MYL1: variants seen among roughly 807,000 people sequenced by gnomAD.
The protein encoded by MYL1 is myosin light chain 1/3, skeletal muscle isoform.
A neutral mutation model predicts 21.8 loss-of-function variants in MYL1; 16 were observed. The observed-to-expected ratio is 0.74, with a 90% CI of 0.50 to 1.12. MYL1 has a LOEUF of 1.12. MYL1 is among the 50% of genes most tolerant of loss of function. The pLI, the probability that MYL1 is intolerant of heterozygous loss-of-function variation, is 0.00. For synonymous variants in MYL1, 99 were observed against 85.2 expected (o/e 1.16, Z -0.89); for missense variants, 246 against 241.0 (o/e 1.02, Z -0.14).
intron 1 of MYL1, among the ~76,000 whole-genome samples, chr2:210,314,154 A>G (rs1690455893): frequency 6.6e-6 from 1 of 152,148 alleles, no homozygotes; most frequent in African/African-American, 2.4e-5. Context: ...AATTAATCAC[A>G]TTTTTCTTAG....
intron 5 of MYL1, 151 bp downstream of exon 5, chr2:210,293,572 G>A: frequency 1.5e-6 from 1 of 654,490 alleles, no homozygotes; most frequent in Non-Finnish European, 2.7e-6. Flanking sequence ...TTATTTATAT[G>A]TTCAGATCCT....
intron 4 of MYL1, 64 bp downstream of exon 4, chr2:210,294,181 T>C (rs1284301527): frequency 2.8e-6 from 4 of 1,405,800 alleles, no homozygotes; most frequent in Non-Finnish European, 3.8e-6. Flanking sequence ...GTGACATGAT[T>C]CTCCTGTCAT....
chr2:210,305,067 T>C (rs1690319558), intron 1 of MYL1, among the ~76,000 whole-genome samples: 1 of 152,184 alleles, frequency 6.6e-6, no homozygotes, highest in Non-Finnish European at 1.5e-5. Flanking sequence ...TAATTGTAAC[T>C]TGAGTACTGC....
At chr2:210,299,441 G>A (rs899429691) in intron 2 of MYL1, among the ~76,000 whole-genome samples, 4 of 152,064 alleles carry the variant, frequency 2.6e-5, no homozygotes, top group Admixed American at 2.6e-4. Context: ...ATTGGTAGAC[G>A]CCATCAATTT....
intron 1 of MYL1, among the ~76,000 whole-genome samples, chr2:210,306,380 C>CAAAAA (rs370261153): frequency 8.5e-6 from 1 of 117,540 alleles, no homozygotes; most frequent in African/African-American, 3.2e-5. Context: ...GACTCCATCT[C>CAAAAA]AAAAAAAAAA....
Position 210,314,936 on chromosome 2 carries a change from T to C in MYL1, c.107A>G (p.Glu36Gly). The change falls in exon 1 of 7, where the codon GAA becomes GGA. Residue 36 changes from glutamate to glycine, a missense_variant. Glu to Gly is a moderately conservative substitution (Grantham distance 98). Coordinates refer to ENST00000352451, the MANE Select transcript of MYL1 (RefSeq NM_079420.3). ...CTTAATGGCAGAGAGGTCAATTTTT[T>C]CTTCTTTGGGTTTGGCTGGGGCAGG... ...PAPAPAKPKE[E>G]KIDLSAIKIE... 6.2e-7 allele frequency: 1 copy of C among 1,613,970 alleles called. No homozygotes were observed. The highest frequency in any genetic ancestry group is 1.1e-5 in the South Asian group (1 of 91,080).
chr2:210,295,790 A>C (rs912127734), intron 3 of MYL1, among the ~76,000 whole-genome samples: 2 of 150,896 alleles, frequency 1.3e-5, no homozygotes, highest in African/African-American at 4.9e-5. Context: ...ATGCCACTGC[A>C]TTCCCACCTG....
At chr2:210,299,645 T>TGTATATTTCTA (rs1690233925) in intron 2 of MYL1, among the ~76,000 whole-genome samples, 3 of 152,196 alleles carry the variant, frequency 2.0e-5, no homozygotes, top group Non-Finnish European at 2.9e-5. Flanking sequence ...AAAATTATAG[T>TGTATATTTCTA]GACAAAAAAT....
At chr2:210,304,436 G>C (rs1355937270) in intron 1 of MYL1, among the ~76,000 whole-genome samples, 1 of 151,892 alleles carries the variant, frequency 6.6e-6, no homozygotes, top group Admixed American at 6.6e-5. Flanking sequence ...AGATCATGCT[G>C]TTTCTATTTC....
chr2:210,298,801 C>G (rs746953860), intron 2 of MYL1, among the ~76,000 whole-genome samples: 5 of 152,114 alleles, frequency 3.3e-5, no homozygotes, highest in Non-Finnish European at 5.9e-5. Flanking sequence ...TATTGTTAAT[C>G]AGATATGGAA....
intron 3 of MYL1, among the ~76,000 whole-genome samples, chr2:210,297,018 C>T (rs202069958): frequency 2.2e-5 from 3 of 134,304 alleles, no homozygotes; most frequent in Non-Finnish European, 4.9e-5. Flanking sequence ...TGTGTGTGTA[C>T]ATATATATAT....
chr2:210,301,908 C>T (rs1311556412), intron 2 of MYL1, among the ~76,000 whole-genome samples: 1 of 152,150 alleles, frequency 6.6e-6, no homozygotes, highest in African/African-American at 2.4e-5. Context: ...AGTCCTGTCA[C>T]CTCTCTGGAG....
chr2:210,302,548 T>G (rs778457880), intron 1 of MYL1, 33 bp from the exon 2 acceptor site: 1 of 1,600,248 alleles, frequency 6.2e-7, no homozygotes, highest in Non-Finnish European at 8.5e-7. Context: ...AAAGAATGTT[T>G]TAACCAAACA....
intron 5 of MYL1, among the ~76,000 whole-genome samples, chr2:210,293,244 C>T (rs1466305552): frequency 6.6e-6 from 1 of 151,944 alleles, no homozygotes; most frequent in Non-Finnish European, 1.5e-5. Flanking sequence ...CAATTGGCAA[C>T]TGTGGGCTGA....
At chr2:210,300,045 C>T (rs910832855) in intron 2 of MYL1, among the ~76,000 whole-genome samples, 1 of 127,344 alleles carries the variant, frequency 7.9e-6, no homozygotes, top group Non-Finnish European at 1.7e-5. Context: ...AGATCAATTC[C>T]CTAAGCTAAA....
intron 3 of MYL1, 125 bp from the exon 4 acceptor site, chr2:210,294,543 T>C (rs1292702102): frequency 4.8e-6 from 4 of 825,228 alleles, no homozygotes; most frequent in Non-Finnish European, 7.4e-6. Context: ...TTTCAGCTGG[T>C]AAATTGCTAA....
intron 1 of MYL1, among the ~76,000 whole-genome samples, chr2:210,313,982 T>C (rs535208400): frequency 1.3e-5 from 2 of 152,144 alleles, no homozygotes; most frequent in Admixed American, 1.3e-4. Flanking sequence ...TAGATAAAAA[T>C]TTTCAAGTTG....
chr2:210,294,803 T>C (rs1690148076), intron 3 of MYL1, among the ~76,000 whole-genome samples: 1 of 152,170 alleles, frequency 6.6e-6, no homozygotes, highest in Non-Finnish European at 1.5e-5. Flanking sequence ...TTTTTTAGTA[T>C]TGTCCATTTA....
chr2:210,301,537 A>T (rs1400277605), intron 2 of MYL1, among the ~76,000 whole-genome samples: 1 of 152,046 alleles, frequency 6.6e-6, no homozygotes, highest in Non-Finnish European at 1.5e-5. Context: ...TAATATAGAC[A>T]TACTACTTAT....
Sources: gnomAD v4.1 joint callset for allele counts (sites outside exome capture counted in the v4.1 genomes callset) on GRCh38, gnomAD v4.1.1 for gene constraint, MANE v1.5 for transcripts, NCBI Gene and HGNC (gene_info 2026-07-23, HGNC 2026-07-21) for gene names.